ADGRL3: variants seen among roughly 807,000 people sequenced by gnomAD.
The protein encoded by ADGRL3 is adhesion G protein-coupled receptor L3, also known as calcium-independent alpha-latrotoxin receptor 3.
A neutral mutation model predicts 153.5 loss-of-function variants in ADGRL3; 62 were observed. The ratio of observed to expected loss-of-function variants is 0.40; its 90% CI spans 0.33 to 0.50. The LOEUF (loss-of-function observed/expected upper bound fraction) is 0.50. ADGRL3 is among the 20% of genes least tolerant of loss of function. The pLI, the probability that ADGRL3 is intolerant of heterozygous loss-of-function variation, is 0.47. For missense variants in ADGRL3, 1,641 were observed against 1,859.4 expected, an observed-to-expected ratio of 0.88 and a Z score of 2.16; for synonymous variants, 710 against 672.5, an observed-to-expected ratio of 1.06 and a Z score of -0.86.
intron 6 of ADGRL3, among the ~76,000 whole-genome samples, chr4:61,723,984 A>T (rs2151687498): frequency 6.6e-6 from 1 of 152,296 alleles, no homozygotes; most frequent in South Asian, 2.1e-4. Flanking sequence ...CACATTCAGT[A>T]ACTGTTAAGT....
At chr4:62,006,751 G>C (rs2099160813) in intron 21 of ADGRL3, among the ~76,000 whole-genome samples, 1 of 151,578 alleles carries the variant, frequency 6.6e-6, no homozygotes, top group African/African-American at 2.4e-5. Context: ...GAGATGATTT[G>C]AAAAAAATAC....
Position 61,947,008 on chromosome 4 carries a change from C to T in ADGRL3, c.2514C>T (p.Ser838=), listed in dbSNP as rs1243411031. 3 of 1,613,498 alleles carry T rather than the reference C, an allele frequency of 1.9e-6. No individual in the cohort carries two copies. In the African/African-American group the frequency reaches 4.0e-5, roughly 22 times the overall value. ...TGAAGTTGGGAACGGAAGCTTTGTC[C>T]ACAAATCATTCTGTTATTGTCAATT... ...ASMKLGTEAL[S]TNHSVIVNSP... The change falls in exon 16 of 27, where the codon TCC becomes TCT. Residue 838 remains serine, a synonymous_variant. Transcript: ENST00000683033.
chr4:62,039,997 A>G (rs1002125304), intron 24 of ADGRL3, among the ~76,000 whole-genome samples: 5 of 152,190 alleles, frequency 3.3e-5, no homozygotes, highest in African/African-American at 1.2e-4. Flanking sequence ...AAGTTAAGGC[A>G]GTGCAGCTCA....
At chr4:61,251,879 A>T (rs10009341) in intron 1 of ADGRL3, among the ~76,000 whole-genome samples, 79,737 of 134,458 alleles carry the variant, frequency 0.59, 21,340 homozygotes, top group East Asian at 0.67. Flanking sequence ...TTTTTTTTTT[A>T]ATTTTTTTAT....
chr4:61,544,257 A>AG (rs1560814995), intron 4 of ADGRL3, among the ~76,000 whole-genome samples: 1 of 152,110 alleles, frequency 6.6e-6, no homozygotes, highest in Non-Finnish European at 1.5e-5. Context: ...GTTTTCTGAT[A>AG]TTTTTTATAT....
At chr4:61,645,834 C>T (rs1026331173) in intron 5 of ADGRL3, among the ~76,000 whole-genome samples, 2 of 152,110 alleles carry the variant, frequency 1.3e-5, no homozygotes, top group African/African-American at 2.4e-5. Flanking sequence ...TGTTGGCCTG[C>T]GTTGCTAGAA....
intron 2 of ADGRL3, among the ~76,000 whole-genome samples, chr4:61,431,076 T>C (rs549170486): frequency 6.6e-6 from 1 of 152,334 alleles, no homozygotes; most frequent in South Asian, 2.1e-4. Context: ...AGATAGATAG[T>C]TGCTTCCTTT....
intron 1 of ADGRL3, among the ~76,000 whole-genome samples, chr4:61,331,250 CGTT>C (rs1485878054): frequency 2.0e-5 from 3 of 152,058 alleles, no homozygotes; most frequent in African/African-American, 7.2e-5. Flanking sequence ...AAAAAGTACA[CGTT>C]GTAAATTTTA....
intron 3 of ADGRL3, among the ~76,000 whole-genome samples, chr4:61,504,234 ATCC>A (rs753812912): frequency 6.6e-6 from 1 of 152,286 alleles, no homozygotes; most frequent in Non-Finnish European, 1.5e-5. Flanking sequence ...ACCTCCAGCA[ATCC>A]TCCTGCCTTG....
At chr4:61,454,754 G>A (rs1425869637) in intron 2 of ADGRL3, among the ~76,000 whole-genome samples, 2 of 152,172 alleles carry the variant, frequency 1.3e-5, no homozygotes, top group East Asian at 1.9e-4. Flanking sequence ...ACTCATATAA[G>A]AATACTGTTT....
Position 61,376,549 on chromosome 4 carries a change from G to A in ADGRL3, c.-239-6575G>A, listed in dbSNP as rs1024242114. Among the ~76,000 whole-genome samples, 6 of 152,192 alleles carry A rather than the reference G, an allele frequency of 3.9e-5. No homozygotes were observed. In the South Asian group the frequency reaches 6.2e-4, roughly 16 times the overall value. ...ACTTGTAATGCAGAAGTATTTAAAG[G>A]AGAGCAGGAAACCCCCTGCCCCAGG... On this transcript the variant is annotated intron_variant, in intron 1 of 26. Transcript: ENST00000683033.
intron 4 of ADGRL3, among the ~76,000 whole-genome samples, chr4:61,529,874 A>C (rs2098601578): frequency 6.6e-6 from 1 of 152,178 alleles, no homozygotes; most frequent in Admixed American, 6.5e-5. Flanking sequence ...TAAAGAAACT[A>C]AAAGTGCTTT....
chr4:61,870,613 A>G (rs2098437993), intron 9 of ADGRL3, among the ~76,000 whole-genome samples: 1 of 66,608 alleles, frequency 1.5e-5, no homozygotes, highest in Non-Finnish European at 3.8e-5. Flanking sequence ...TAATAAAAGG[A>G]CAAATACCAG....
chr4:61,444,209 A>G (rs941408197), intron 2 of ADGRL3, among the ~76,000 whole-genome samples: 1 of 152,174 alleles, frequency 6.6e-6, no homozygotes. Flanking sequence ...AATATGATTA[A>G]TTCCTTCTGA....
intron 8 of ADGRL3, among the ~76,000 whole-genome samples, chr4:61,741,657 T>C (rs889527296): frequency 2.6e-5 from 4 of 152,246 alleles, no homozygotes; most frequent in Non-Finnish European, 4.4e-5. Context: ...TCTTCATAAT[T>C]GAGGGTAAAA....
intron 1 of ADGRL3, among the ~76,000 whole-genome samples, chr4:61,253,540 G>A (rs1209024404): frequency 2.0e-5 from 3 of 152,104 alleles, no homozygotes; most frequent in African/African-American, 7.2e-5. Flanking sequence ...ATTGTTGTCT[G>A]ATTTCCAAAC....
At chr4:61,247,437 C>A (rs1359190198) in intron 1 of ADGRL3, among the ~76,000 whole-genome samples, 2 of 152,048 alleles carry the variant, frequency 1.3e-5, no homozygotes, top group Non-Finnish European at 2.9e-5. Flanking sequence ...TTTTTGACAG[C>A]ACAAATTGTA....
intron 1 of ADGRL3, among the ~76,000 whole-genome samples, chr4:61,363,816 G>A (rs1430134094): frequency 6.6e-6 from 1 of 152,048 alleles, no homozygotes; most frequent in East Asian, 1.9e-4. Context: ...CGATTTTACA[G>A]ATGAGTAAAT....
At chr4:61,454,434 T>C (rs2097710646) in intron 2 of ADGRL3, among the ~76,000 whole-genome samples, 1 of 152,182 alleles carries the variant, frequency 6.6e-6, no homozygotes, top group Non-Finnish European at 1.5e-5. Context: ...TAAAGATTTA[T>C]TTTTAAAACA....
Sources: allele counts gnomAD v4.1 joint callset (sites outside exome capture counted in the v4.1 genomes callset), GRCh38; gene constraint gnomAD v4.1.1; transcripts MANE v1.5; gene names NCBI Gene and HGNC (gene_info 2026-07-23, HGNC 2026-07-21).